Variants in MYOM1 observed in about 807,000 individuals in gnomAD.
MYOM1 encodes myomesin 1.
Under a neutral mutation model 205.3 loss-of-function variants are expected in MYOM1, and 164 were observed. The observed-to-expected ratio is 0.80, with a 90% CI of 0.70 to 0.91. The LOEUF (loss-of-function observed/expected upper bound fraction) is 0.91. Ranked by LOEUF, MYOM1 falls within the 40% of genes least tolerant of loss-of-function variation. The probability of loss-of-function intolerance (pLI) is 0.00; values close to 1 mark genes in which losing one functional copy is unlikely to be tolerated. For synonymous variants in MYOM1, 772 were observed against 789.4 expected (o/e 0.98, Z 0.37); for missense variants, 2,011 against 2,127.3 (o/e 0.95, Z 1.08).
intron 6 of MYOM1, among the ~76,000 whole-genome samples, chr18:3,175,205 G>C (rs545111007): frequency 9.2e-5 from 14 of 152,210 alleles, no homozygotes; most frequent in African/African-American, 2.9e-4. Context: ...TTTGGGTCAG[G>C]GTCAGTGCCT....
At chr18:3,128,273 G>A (rs954114376) in intron 18 of MYOM1, among the ~76,000 whole-genome samples, 4 of 152,064 alleles carry the variant, frequency 2.6e-5, no homozygotes, top group African/African-American at 7.2e-5. Flanking sequence ...ATCTCCTCTC[G>A]AGTTGAGGGA....
At position 3,066,904 on chromosome 18, in the gene MYOM1, C is replaced by T. The variant is rs2078900822; in HGVS notation, c.*358G>A. 4.2e-6 allele frequency: 1 copy of T among 239,276 alleles called. No homozygotes were observed. The highest frequency in any genetic ancestry group is 6.4e-5 in the South Asian group (1 of 15,508). 14.8% of individuals were successfully genotyped at this position (239,276 alleles called of 1,614,324 possible). ...AAAGCACATCACCTCTGTAACAACACACGAGACACGGCCATGGCTTCACAG... is the reference window on the plus strand; with the variant it reads ...AAAGCACATCACCTCTGTAACAACATACGAGACACGGCCATGGCTTCACAG... On this transcript the variant is annotated 3_prime_UTR_variant, in exon 38 of 38. Transcript: ENST00000356443.
rs547589300 is a variant in MYOM1 at position 3,082,289 on chromosome 18, T to C, written c.4484+1500A>G. Among the ~76,000 whole-genome samples, 185 of 152,236 alleles carry C rather than the reference T, an allele frequency of 1.2e-3. 1 individual carries two copies. Among genetic ancestry groups the C allele is most frequent in the African/African-American group, 3.9e-3 (164 of 41,536 alleles). On this transcript the variant is annotated intron_variant, in intron 33 of 37. Coordinates refer to ENST00000356443, the MANE Select transcript of MYOM1 (RefSeq NM_003803.4). ...TAGACTTCACACGGCTGGAATCCAGTGGCAGGTAGTACCATGATGAACCGG... is the reference window on the plus strand; with the variant it reads ...TAGACTTCACACGGCTGGAATCCAGCGGCAGGTAGTACCATGATGAACCGG...
At chr18:3,203,660 G>C (rs917856806) in intron 2 of MYOM1, among the ~76,000 whole-genome samples, 3 of 150,930 alleles carry the variant, frequency 2.0e-5, no homozygotes, top group African/African-American at 7.3e-5. Context: ...ACAACGAAAA[G>C]TCCATGCCCA....
chr18:3,207,641 G>A (rs1315782287), intron 2 of MYOM1, among the ~76,000 whole-genome samples: 1 of 152,216 alleles, frequency 6.6e-6, no homozygotes, highest in African/African-American at 2.4e-5. Flanking sequence ...GGCTTCCAGA[G>A]TCCAGAGGTC....
At chr18:3,226,200 G>A in the MYOM1 span, among the ~76,000 whole-genome samples, 2 of 152,154 alleles carry the variant, frequency 1.3e-5, no homozygotes, top group East Asian at 1.9e-4. This position sits in a 1 kb window ranked among gnomAD's most constrained non-coding sequence, Gnocchi z 4.6. Context: ...CAGCATGAGT[G>A]GTGCACGGGT....
intron 16 of MYOM1, among the ~76,000 whole-genome samples, chr18:3,132,448 C>T (rs2079892058): frequency 6.6e-6 from 1 of 152,250 alleles, no homozygotes; most frequent in South Asian, 2.1e-4. Context: ...CCAAGCCCAG[C>T]CAACTCATAT....
chr18:3,169,603 G>A (rs577144959), intron 8 of MYOM1, among the ~76,000 whole-genome samples: 56 of 152,234 alleles, frequency 3.7e-4, no homozygotes, highest in African/African-American at 1.3e-3. Context: ...AAATGACAAT[G>A]AGATATCATT....
rs1299239998 is a variant in MYOM1, at chr18:3,179,666, C to G, written c.930-3532G>C. Among the ~76,000 whole-genome samples, 3 of 152,280 alleles carry G rather than the reference C, an allele frequency of 2.0e-5. No individual in the cohort carries two copies. Among genetic ancestry groups the G allele is most frequent in the East Asian group, 3.9e-4 (2 of 5,178 alleles). ...GACAGCTGTCTCAACATGGCTCGAGCAGACAGGACTATCTGATCAGAGATG... is the reference window on the plus strand; with the variant it reads ...GACAGCTGTCTCAACATGGCTCGAGGAGACAGGACTATCTGATCAGAGATG... On this transcript the variant is annotated intron_variant, in intron 5 of 37. Transcript: ENST00000356443. The surrounding 1 kb of genome is among the most constrained non-coding windows in gnomAD (Gnocchi z 4.4).
chr18:3,111,696 T>G (rs1279684968), intron 22 of MYOM1, among the ~76,000 whole-genome samples: 1 of 152,234 alleles, frequency 6.6e-6, no homozygotes, highest in Non-Finnish European at 1.5e-5. Flanking sequence ...ACATATAATG[T>G]GCATGATAAA....
At chr18:3,233,075 A>T in the MYOM1 span, among the ~76,000 whole-genome samples, 1 of 152,228 alleles carries the variant, frequency 6.6e-6, no homozygotes, top group Non-Finnish European at 1.5e-5. Flanking sequence ...TATATTAAAG[A>T]TTTTATGCAT....
At chr18:3,082,958 G>C (rs2079101628) in intron 33 of MYOM1, among the ~76,000 whole-genome samples, 1 of 152,150 alleles carries the variant, frequency 6.6e-6, no homozygotes, top group Non-Finnish European at 1.5e-5. Flanking sequence ...GTTGGATTAG[G>C]CTTCTTTGGT....
intron 5 of MYOM1, among the ~76,000 whole-genome samples, chr18:3,182,365 A>G (rs1419850256): frequency 1.3e-5 from 2 of 152,324 alleles, no homozygotes; most frequent in East Asian, 1.9e-4. Flanking sequence ...GTACACCAAC[A>G]TGGCACATGT....
At chr18:3,143,938 G>A (rs1036081507) in intron 13 of MYOM1, among the ~76,000 whole-genome samples, 5 of 150,114 alleles carry the variant, frequency 3.3e-5, no homozygotes, top group African/African-American at 9.8e-5. Flanking sequence ...CAGGCACGGT[G>A]GCTCACACCT....
At chr18:3,076,193 G>A (rs1412473098) in intron 34 of MYOM1, among the ~76,000 whole-genome samples, 3 of 152,060 alleles carry the variant, frequency 2.0e-5, no homozygotes, top group African/African-American at 7.2e-5. Flanking sequence ...CTCTCAAGTA[G>A]CTGGGGCCAC....
chr18:3,147,453 T>G (rs1364436135), intron 13 of MYOM1, among the ~76,000 whole-genome samples: 1 of 152,048 alleles, frequency 6.6e-6, no homozygotes, highest in African/African-American at 2.4e-5. Flanking sequence ...TCCCAGCATG[T>G]TTTTTGTAGA....
At chr18:3,101,300 T>C (rs1159562973) in intron 23 of MYOM1, among the ~76,000 whole-genome samples, 1 of 152,240 alleles carries the variant, frequency 6.6e-6, no homozygotes, top group Non-Finnish European at 1.5e-5. Context: ...TTATCAAATA[T>C]TTGCTTTATC....
At chr18:3,227,987 T>C in the MYOM1 span, among the ~76,000 whole-genome samples, 2 of 151,416 alleles carry the variant, frequency 1.3e-5, no homozygotes, top group African/African-American at 4.9e-5. Context: ...AACGCAGGAG[T>C]CAGAGATTTT....
intron 31 of MYOM1, among the ~76,000 whole-genome samples, chr18:3,084,759 AT>A (rs1005841680): frequency 3.3e-5 from 5 of 152,200 alleles, no homozygotes; most frequent in African/African-American, 1.2e-4. Context: ...AGCCTGGAAC[AT>A]TTTTATAGAG....
Sources: allele counts gnomAD v4.1 joint callset (sites outside exome capture counted in the v4.1 genomes callset), GRCh38; gene constraint gnomAD v4.1.1; non-coding constraint Gnocchi (gnomAD v3.1); transcripts MANE v1.5; gene names NCBI Gene and HGNC (gene_info 2026-07-23, HGNC 2026-07-21).